The following ZNF516 variants were observed in gnomAD, a reference collection of about 807,000 sequenced individuals.
The protein encoded by ZNF516 is zinc finger protein 516.
Under a neutral mutation model 79.7 loss-of-function variants are expected in ZNF516, and 19 were observed. The ratio of observed to expected loss-of-function variants is 0.24; its 90% CI spans 0.17 to 0.35. The LOEUF (loss-of-function observed/expected upper bound fraction) is 0.35. Among genes scored for constraint, ZNF516 ranks in the 10% least tolerant of loss-of-function variants. ZNF516 has a pLI of 1.00. For synonymous variants in ZNF516, 877 were observed against 739.5 expected (o/e 1.19, Z -3.02); for missense variants, 1,678 against 1,679.5 (o/e 1.00, Z 0.02).
At position 76,467,482 on chromosome 18, in the gene ZNF516, C is replaced by A. The variant is rs553233619; in HGVS notation, c.-271-4341G>T. Among the ~76,000 whole-genome samples, 1 of 152,294 alleles carries A rather than the reference C, an allele frequency of 6.6e-6. No individual in the cohort carries two copies. Among genetic ancestry groups the A allele is most frequent in the African/African-American group, 2.4e-5 (1 of 41,558 alleles). ...TCGCCCTAACTAGATATTAAGCACACCTCGGGGGCAGTGCTGGAATTACAG... is the reference window on the plus strand; with the variant it reads ...TCGCCCTAACTAGATATTAAGCACAACTCGGGGGCAGTGCTGGAATTACAG... On this transcript the variant is annotated intron_variant, in intron 1 of 6. Transcript: ENST00000443185. This position sits in a 1 kb window ranked among gnomAD's most constrained non-coding sequence, Gnocchi z 4.2.
rs952280349 is a variant in ZNF516, at chr18:76,383,051, A to G, written c.1811-2748T>C. Among the ~76,000 whole-genome samples, 17 of 151,520 alleles carry G rather than the reference A, an allele frequency of 1.1e-4. 1 individual carries two copies. The East Asian group carries it at 1.4e-3, about 12-fold the overall frequency. ...ACTCTGTCTCAAAAAAAAAAAAAAA[A>G]AAAAAAAAGCGCATGGTCTAGCCCA... On this transcript the variant is annotated intron_variant, in intron 3 of 6. Transcript: ENST00000443185.
intron 3 of ZNF516, among the ~76,000 whole-genome samples, chr18:76,392,276 T>A (rs371893305): frequency 6.6e-6 from 1 of 152,210 alleles, no homozygotes. Flanking sequence ...TAAATAGATG[T>A]AAGACCACAG....
chr18:76,418,972 G>C (rs2075472058), intron 3 of ZNF516, among the ~76,000 whole-genome samples: 1 of 152,356 alleles, frequency 6.6e-6, no homozygotes, highest in Admixed American at 6.5e-5. Flanking sequence ...AAAAATGTGA[G>C]ACACAGAGCA....
chr18:76,491,951 C>T (rs1915251823), intron 1 of ZNF516, among the ~76,000 whole-genome samples: 1 of 152,164 alleles, frequency 6.6e-6, no homozygotes, highest in South Asian at 2.1e-4. Flanking sequence ...GGAGGGAAGG[C>T]GCGGAGTCGG....
intron 1 of ZNF516, among the ~76,000 whole-genome samples, chr18:76,489,586 CA>C (rs5826461): frequency 0.45 from 49,402 of 109,474 alleles, 8,456 homozygotes; most frequent in South Asian, 0.54. Context: ...CAACATCTTA[CA>C]AAAAAAAAAA....
intron 6 of ZNF516, among the ~76,000 whole-genome samples, chr18:76,365,850 G>A (rs1014034082): frequency 3.3e-5 from 5 of 152,200 alleles, no homozygotes; most frequent in African/African-American, 1.2e-4. Flanking sequence ...AGAGTGAGAT[G>A]CCTAAAGGGG....
At chr18:76,432,105 T>C (rs2075668683) in intron 3 of ZNF516, among the ~76,000 whole-genome samples, 1 of 152,212 alleles carries the variant, frequency 6.6e-6, no homozygotes, top group South Asian at 2.1e-4. Flanking sequence ...AAGGACTCCT[T>C]AAGGAAAGGA....
chr18:76,387,394 A>G (rs7236220), intron 3 of ZNF516: 69,702 of 152,106 alleles, frequency 0.46, 16,002 homozygotes, highest in African/African-American at 0.49. Context: ...AAGGGAGGCA[A>G]CTTGCAGGTA....
chr18:76,485,266 G>C (rs573526742), intron 1 of ZNF516, among the ~76,000 whole-genome samples: 1 of 152,286 alleles, frequency 6.6e-6, no homozygotes, highest in South Asian at 2.1e-4. Flanking sequence ...GAAAAGCTTT[G>C]AAATGATTAA....
At chr18:76,372,344 T>C (rs956122338) in intron 4 of ZNF516, among the ~76,000 whole-genome samples, 3 of 152,262 alleles carry the variant, frequency 2.0e-5, no homozygotes, top group African/African-American at 7.2e-5. Flanking sequence ...AGAAAAGGCT[T>C]GATTTCCATG....
chr18:76,360,006 G>C lies in ZNF516; in HGVS notation c.*2492C>G, dbSNP rs896061649. The stretch of plus-strand genomic sequence containing the variant: ...CCTCAAGGGATGGCGTTCTTGGGGG[G>C]GCTCCCCAGTCTGTTTAACTGGGTG... On this transcript the variant is annotated 3_prime_UTR_variant, in exon 7 of 7. Coordinates refer to ENST00000443185, the MANE Select transcript of ZNF516 (RefSeq NM_014643.4). The C allele has an allele frequency of 6.6e-6, 1 of 152,388 alleles. No homozygotes were observed. The highest frequency in any genetic ancestry group is 1.9e-4 in the East Asian group (1 of 5,174). 9.4% of individuals were successfully genotyped at this position (152,388 alleles called of 1,614,324 possible).
At chr18:76,404,128 C>T (rs1395642112) in intron 3 of ZNF516, among the ~76,000 whole-genome samples, 1 of 152,230 alleles carries the variant, frequency 6.6e-6, no homozygotes, top group Non-Finnish European at 1.5e-5. Flanking sequence ...TCTCCAGTGA[C>T]AAATGTTGCT....
intron 1 of ZNF516, among the ~76,000 whole-genome samples, chr18:76,484,253 T>C (rs922857910): frequency 1.3e-5 from 2 of 152,228 alleles, no homozygotes; most frequent in Non-Finnish European, 2.9e-5. Context: ...TTATTAAATC[T>C]TTCTGCATTT....
chr18:76,491,061 A>C (rs538126347), intron 1 of ZNF516: 1 of 985,268 alleles, frequency 1.0e-6, no homozygotes, highest in Non-Finnish European at 1.2e-6. Context: ...GGACCGGTTC[A>C]GGTGTGAACA....
intron 3 of ZNF516, among the ~76,000 whole-genome samples, chr18:76,422,380 C>G (rs539934150): frequency 1.3e-5 from 2 of 152,344 alleles, no homozygotes; most frequent in Admixed American, 1.3e-4. Context: ...CTCATACACT[C>G]AGGCTATGGA....
At chr18:76,490,037 A>T in intron 1 of ZNF516, 1 of 356,242 alleles carries the variant, frequency 2.8e-6, no homozygotes, top group Non-Finnish European at 3.9e-6. Flanking sequence ...GCAAATGTTA[A>T]GAAAACAAAG....
intron 2 of ZNF516, among the ~76,000 whole-genome samples, chr18:76,457,423 G>T (rs1290336074): frequency 2.0e-5 from 3 of 152,200 alleles, no homozygotes; most frequent in East Asian, 3.9e-4. Flanking sequence ...GCAAAATCAT[G>T]CTTTAAAGAG....
chr18:76,429,488 AGAG>A (rs1244460163), intron 3 of ZNF516, among the ~76,000 whole-genome samples: 1 of 152,164 alleles, frequency 6.6e-6, no homozygotes, highest in Non-Finnish European at 1.5e-5. Context: ...TCTAGTAAGA[AGAG>A]GAGTAGGGGG....
At chr18:76,421,359 T>TG (rs1210215247) in intron 3 of ZNF516, among the ~76,000 whole-genome samples, 3 of 152,176 alleles carry the variant, frequency 2.0e-5, no homozygotes, top group Non-Finnish European at 4.4e-5. Context: ...CCTTAGGTGA[T>TG]GGAGACGCTG....
Sources: gnomAD v4.1 joint callset for allele counts (sites outside exome capture counted in the v4.1 genomes callset) on GRCh38, gnomAD v4.1.1 for gene constraint, Gnocchi (gnomAD v3.1) non-coding constraint, MANE v1.5 for transcripts, NCBI Gene and HGNC (gene_info 2026-07-23, HGNC 2026-07-21) for gene names.